CHSY3: variants seen among roughly 807,000 people sequenced by gnomAD.
CHSY3 encodes N-acetylgalactosaminyl-proteoglycan 3-beta-glucuronosyltransferase 3.
CHSY3 carries 35 observed loss-of-function variants against 67.2 expected under a neutral mutation model. That is an observed-to-expected ratio of 0.52 (90% CI 0.40 to 0.69). CHSY3 has a LOEUF of 0.69. CHSY3 is among the 30% of genes least tolerant of loss of function. The probability of loss-of-function intolerance (pLI) is 0.00; values close to 1 mark genes in which losing one functional copy is unlikely to be tolerated. For synonymous variants in CHSY3, 474 were observed against 434.7 expected (o/e 1.09, Z -1.12); for missense variants, 1,069 against 1,138.5 (o/e 0.94, Z 0.88).
At chr5:130,087,391 TA>T (rs1053415273) in intron 2 of CHSY3, among the ~76,000 whole-genome samples, 15 of 152,160 alleles carry the variant, frequency 9.9e-5, no homozygotes, top group Admixed American at 6.5e-4. Context: ...GAGAAGGAAA[TA>T]AAGGTATTCA....
intron 2 of CHSY3, among the ~76,000 whole-genome samples, chr5:130,120,486 GAAAAAAAAAAAA>G (rs34727574): frequency 2.8e-4 from 27 of 95,836 alleles, no homozygotes; most frequent in Middle Eastern, 7.0e-3. Flanking sequence ...ATTTCTGAAA[GAAAAAAAAAAAA>G]AAAAAAAAAA....
chr5:130,024,430 G>C (rs1238528594), intron 2 of CHSY3, among the ~76,000 whole-genome samples: 1 of 152,012 alleles, frequency 6.6e-6, no homozygotes, highest in African/African-American at 2.4e-5. Flanking sequence ...TGCCTTTCCT[G>C]CTTCGAATTT....
intron 2 of CHSY3, among the ~76,000 whole-genome samples, chr5:130,181,989 T>G (rs1455118394): frequency 4.7e-5 from 2 of 42,332 alleles, no homozygotes; most frequent in East Asian, 8.0e-4. Context: ...TATTTAGGTG[T>G]ATGTATGTAT....
chr5:130,105,944 G>A (rs1217531467), intron 2 of CHSY3, among the ~76,000 whole-genome samples: 1 of 151,534 alleles, frequency 6.6e-6, no homozygotes, highest in Non-Finnish European at 1.5e-5. Context: ...TATTCCCCCA[G>A]AGAACTAGGT....
chr5:130,123,554 C>T (rs1160839462), intron 2 of CHSY3, among the ~76,000 whole-genome samples: 1 of 152,202 alleles, frequency 6.6e-6, no homozygotes, highest in Admixed American at 6.5e-5. Context: ...TGCTCACCTG[C>T]TGCTCAACTC....
chr5:130,031,121 T>C (rs1032057962), intron 2 of CHSY3, among the ~76,000 whole-genome samples: 1 of 151,750 alleles, frequency 6.6e-6, no homozygotes, highest in Non-Finnish European at 1.5e-5. Context: ...AATAAGTAAA[T>C]AAATAAAACA....
At chr5:130,050,313 A>C (rs1672520437) in intron 2 of CHSY3, among the ~76,000 whole-genome samples, 1 of 152,150 alleles carries the variant, frequency 6.6e-6, no homozygotes, top group African/African-American at 2.4e-5. Flanking sequence ...TACCTGTTCA[A>C]AAATAACTTA....
intron 2 of CHSY3, among the ~76,000 whole-genome samples, chr5:130,000,054 T>C (rs1368060097): frequency 1.3e-5 from 2 of 152,208 alleles, no homozygotes; most frequent in East Asian, 3.8e-4. Flanking sequence ...CAGCTAACTT[T>C]GAACAGTGGT....
At chr5:130,048,453 T>C (rs951400949) in intron 2 of CHSY3, among the ~76,000 whole-genome samples, 11 of 152,082 alleles carry the variant, frequency 7.2e-5, no homozygotes, top group Non-Finnish European at 1.2e-4. Flanking sequence ...ATATTCACTC[T>C]TTTTGTATAA....
chr5:130,000,764 G>T (rs1763703346), intron 2 of CHSY3, among the ~76,000 whole-genome samples: 1 of 65,824 alleles, frequency 1.5e-5, no homozygotes, highest in South Asian at 5.3e-4. Context: ...TTTTTGTAGA[G>T]ATGAAATCTT....
At chr5:130,024,156 C>T (rs1407115970) in intron 2 of CHSY3, among the ~76,000 whole-genome samples, 1 of 98,374 alleles carries the variant, frequency 1.0e-5, no homozygotes, top group African/African-American at 4.1e-5. Context: ...AAAAAAAAAG[C>T]CTGTCTTGCT....
At chr5:130,078,570 A>G (rs79305267) in intron 2 of CHSY3, among the ~76,000 whole-genome samples, 3 of 152,186 alleles carry the variant, frequency 2.0e-5, no homozygotes, top group African/African-American at 7.2e-5. Flanking sequence ...TAGATATTCA[A>G]AACCCTCAGC....
At chr5:130,078,054 T>C (rs2149685238) in intron 2 of CHSY3, among the ~76,000 whole-genome samples, 1 of 152,210 alleles carries the variant, frequency 6.6e-6, no homozygotes, top group South Asian at 2.1e-4. Context: ...AAGTATTATT[T>C]CCATTTTATG....
At chr5:129,944,168 C>T (rs968035203) in intron 2 of CHSY3, among the ~76,000 whole-genome samples, 32 of 152,330 alleles carry the variant, frequency 2.1e-4, no homozygotes, top group African/African-American at 7.0e-4. Flanking sequence ...GACAGTGCCT[C>T]TGACATAAAG....
At chr5:130,076,638 A>G (rs1404395358) in intron 2 of CHSY3, among the ~76,000 whole-genome samples, 2 of 151,994 alleles carry the variant, frequency 1.3e-5, no homozygotes, top group African/African-American at 2.4e-5. Context: ...ATATGTTAAG[A>G]TACATACACA....
intron 2 of CHSY3, among the ~76,000 whole-genome samples, chr5:130,020,449 ATATATATATATATTTTT>A (rs1351551293): frequency 0.11 from 1,457 of 13,332 alleles, 33 homozygotes; most frequent in Non-Finnish European, 0.2. Flanking sequence ...ATATATATAT[ATATATATATATATTTTT>A]TTTTTTTTTT....
At position 129,979,174 on chromosome 5, in the gene CHSY3, T is replaced by C. The variant is rs1227404848; in HGVS notation, c.1086+70814T>C. 3.4e-5 allele frequency among the ~76,000 whole-genome samples: 4 copies of C among 117,014 alleles called. No homozygotes were observed. In the East Asian group the frequency reaches 1.1e-3, roughly 31 times the overall value. 76.8% of individuals were successfully genotyped at this position (117,014 alleles called of 152,430 possible). ...GAGATCGCGCCCCTGCACTCCAGCC[T>C]GGGTGAGACAGCGAGACTCCGTCTC... On this transcript the variant is annotated intron_variant, in intron 2 of 2. Coordinates refer to ENST00000305031, the MANE Select transcript of CHSY3 (RefSeq NM_175856.5).
At chr5:130,030,973 T>C (rs1038216014) in intron 2 of CHSY3, among the ~76,000 whole-genome samples, 1 of 152,108 alleles carries the variant, frequency 6.6e-6, no homozygotes, top group South Asian at 2.1e-4. Flanking sequence ...TTACTTTTTT[T>C]AATTTTAATA....
At chr5:129,945,838 A>G (rs1009024040) in intron 2 of CHSY3, among the ~76,000 whole-genome samples, 3 of 152,198 alleles carry the variant, frequency 2.0e-5, no homozygotes, top group Non-Finnish European at 4.4e-5. Context: ...ATTGAACACT[A>G]GCTTCCAAGT....
Sources: allele counts gnomAD v4.1 joint callset (sites outside exome capture counted in the v4.1 genomes callset), GRCh38; gene constraint gnomAD v4.1.1; transcripts MANE v1.5; gene names NCBI Gene and HGNC (gene_info 2026-07-23, HGNC 2026-07-21).